PCDH7: variants seen among roughly 807,000 people sequenced by gnomAD.
PCDH7 encodes the protein protocadherin-7.
In PCDH7, 17 loss-of-function variants were observed where a neutral mutation model predicts 58.9. The ratio of observed to expected loss-of-function variants is 0.29; its 90% CI spans 0.20 to 0.43. PCDH7 has a LOEUF of 0.43. PCDH7 is among the 20% of genes least tolerant of loss of function. The pLI is 1.00. For synonymous variants in PCDH7, 664 were observed against 616.4 expected (o/e 1.08, Z -1.14); for missense variants, 1,274 against 1,441.0 (o/e 0.88, Z 1.88).
intron 3 of PCDH7, among the ~76,000 whole-genome samples, chr4:31,030,439 CAA>C (rs1754807815): frequency 6.6e-6 from 1 of 151,932 alleles, no homozygotes. Context: ...TAGCTATAGA[CAA>C]AGAGGGAAAG....
At chr4:30,759,067 G>A (rs1305586339) in intron 1 of PCDH7, among the ~76,000 whole-genome samples, 2 of 149,006 alleles carry the variant, frequency 1.3e-5, no homozygotes, top group Admixed American at 6.7e-5. Flanking sequence ...TCAGCCTCCC[G>A]AGTAGTTGGG....
intron 1 of PCDH7, among the ~76,000 whole-genome samples, chr4:30,855,234 C>T (rs1733304628): frequency 2.6e-5 from 4 of 152,114 alleles, no homozygotes; most frequent in African/African-American, 7.2e-5. Flanking sequence ...AGGGAAAGCA[C>T]AATACAAATG....
At chr4:31,107,394 A>G (rs1715712261) in intron 3 of PCDH7, among the ~76,000 whole-genome samples, 1 of 152,242 alleles carries the variant, frequency 6.6e-6, no homozygotes. Flanking sequence ...GAAGCAATGT[A>G]GTTCAGCAGA....
At chr4:30,995,021 G>T (rs1751760995) in intron 3 of PCDH7, among the ~76,000 whole-genome samples, 1 of 152,070 alleles carries the variant, frequency 6.6e-6, no homozygotes, top group East Asian at 1.9e-4. Context: ...ATTTTTTATT[G>T]ATTACATATT....
intron 3 of PCDH7, among the ~76,000 whole-genome samples, chr4:31,041,587 C>A (rs1014836518): frequency 4.6e-5 from 7 of 152,050 alleles, no homozygotes; most frequent in African/African-American, 1.7e-4. Context: ...CCCCCACCCC[C>A]TTGCATTGAG....
At chr4:30,980,638 AATTC>A (rs1323946280) in intron 3 of PCDH7, among the ~76,000 whole-genome samples, 1 of 152,164 alleles carries the variant, frequency 6.6e-6, no homozygotes, top group Non-Finnish European at 1.5e-5. Flanking sequence ...AAATATGTAT[AATTC>A]ATTCATTGTT....
intron 3 of PCDH7, among the ~76,000 whole-genome samples, chr4:31,078,774 T>C (rs1381508457): frequency 6.7e-6 from 1 of 150,226 alleles, no homozygotes; most frequent in East Asian, 2.0e-4. Context: ...TAAGAACAAA[T>C]TTGGTGATAG....
downstream of PCDH7, chr4:31,144,188 T>C (rs1282431304): frequency 6.6e-6 from 1 of 152,182 alleles, no homozygotes; most frequent in African/African-American, 2.4e-5. Flanking sequence ...TAGAAATATT[T>C]TGAGACTCAC....
At chr4:30,994,913 G>A (rs559106435) in intron 3 of PCDH7, among the ~76,000 whole-genome samples, 1 of 152,260 alleles carries the variant, frequency 6.6e-6, no homozygotes, top group Non-Finnish European at 1.5e-5. Context: ...CAGTTGAAAT[G>A]TGGCTAGTCA....
intron 1 of PCDH7, chr4:30,793,917 A>T (rs1208205364): frequency 2.6e-5 from 4 of 152,198 alleles, no homozygotes; most frequent in Non-Finnish European, 5.9e-5. Context: ...CATTGAAATT[A>T]CTTACAAAGG....
chr4:30,845,131 G>A (rs559473839), intron 1 of PCDH7, among the ~76,000 whole-genome samples: 17 of 152,132 alleles, frequency 1.1e-4, no homozygotes, highest in African/African-American at 3.9e-4. Flanking sequence ...TGAATTATGC[G>A]GTGCTCTAAT....
intron 1 of PCDH7, among the ~76,000 whole-genome samples, chr4:30,893,081 C>G (rs1181902217): frequency 1.3e-5 from 2 of 152,042 alleles, no homozygotes; most frequent in African/African-American, 4.8e-5. Flanking sequence ...ATTGTAGGGT[C>G]ATTTTTCTGA....
chr4:31,035,428 A>G (rs1258813928), intron 3 of PCDH7, among the ~76,000 whole-genome samples: 2 of 151,572 alleles, frequency 1.3e-5, no homozygotes, highest in Non-Finnish European at 2.9e-5. Context: ...TAATTTTTGT[A>G]TTTTTAGTAG....
intron 1 of PCDH7, among the ~76,000 whole-genome samples, chr4:30,862,134 G>T (rs1045853871): frequency 1.3e-5 from 2 of 152,054 alleles, no homozygotes; most frequent in African/African-American, 4.8e-5. Flanking sequence ...TCTGGTTCTT[G>T]GTCTTCCAGC....
intron 1 of PCDH7, among the ~76,000 whole-genome samples, chr4:30,801,497 G>A (rs1168052499): frequency 1.3e-5 from 2 of 151,974 alleles, no homozygotes; most frequent in African/African-American, 2.4e-5. Flanking sequence ...CAGTATACAT[G>A]GAGTCAACAT....
At chr4:30,725,846 C>T (rs760297178) in intron 1 of PCDH7, among the ~76,000 whole-genome samples, 7 of 151,976 alleles carry the variant, frequency 4.6e-5, no homozygotes, top group Admixed American at 1.3e-4. Context: ...TTCTTAATTG[C>T]TTTCATGATT....
intron 2 of PCDH7, among the ~76,000 whole-genome samples, chr4:30,924,904 C>A (rs1042105377): frequency 2.0e-5 from 3 of 149,784 alleles, no homozygotes; most frequent in South Asian, 2.1e-4. Context: ...AAAAAAAAAA[C>A]AGCAGATGAT....
chr4:31,053,462 T>C (rs932768087), intron 3 of PCDH7, among the ~76,000 whole-genome samples: 5 of 152,146 alleles, frequency 3.3e-5, no homozygotes, highest in Non-Finnish European at 7.3e-5. Context: ...CAATAAGATG[T>C]CCTGGCTCAC....
chr4:30,997,390 C>T (rs1018674639), intron 3 of PCDH7, among the ~76,000 whole-genome samples: 3 of 152,060 alleles, frequency 2.0e-5, no homozygotes, highest in Non-Finnish European at 4.4e-5. Flanking sequence ...ATTTAAAATG[C>T]TTTTAGGATT....
Sources: allele counts gnomAD v4.1 joint callset (sites outside exome capture counted in the v4.1 genomes callset), GRCh38; gene constraint gnomAD v4.1.1; transcripts MANE v1.5; gene names NCBI Gene and HGNC (gene_info 2026-07-23, HGNC 2026-07-21).